Variants in CDK5RAP2 observed in about 807,000 individuals in gnomAD.
The protein encoded by CDK5RAP2 is CDK5 regulatory subunit associated protein 2.
A neutral mutation model predicts 232.9 loss-of-function variants in CDK5RAP2; 147 were observed. The observed-to-expected ratio is 0.63, with a 90% confidence interval of 0.55 to 0.72. The LOEUF (loss-of-function observed/expected upper bound fraction) is 0.72. CDK5RAP2 is among the 30% of genes least tolerant of loss of function. The probability of loss-of-function intolerance (pLI) is 0.00; values close to 1 mark genes in which losing one functional copy is unlikely to be tolerated. For synonymous variants in CDK5RAP2, 833 were observed against 833.7 expected, an observed-to-expected ratio of 1.00 and a Z score of 0.01; for missense variants, 2,195 against 2,231.5, an observed-to-expected ratio of 0.98 and a Z score of 0.33.
chr9:120,439,496 G>C lies in CDK5RAP2; in HGVS notation c.3625C>G (p.Gln1209Glu). 6.2e-7 allele frequency: 1 copy of C among 1,614,168 alleles called. No homozygotes were observed. Reference protein sequence around the residue: ...LENLKQQLEEQEYKLQKEQNL... With the variant: ...LENLKQQLEEEEYKLQKEQNL... Reference sequence around the variant, plus strand: ...TGCTCCTTCTGCAGCTTGTATTCCTGTTCCTCCAGCTGCTGTTTGAGGTTC... The same window carrying C: ...TGCTCCTTCTGCAGCTTGTATTCCTCTTCCTCCAGCTGCTGTTTGAGGTTC... Residue 1209 changes from glutamine to glutamate, a missense_variant, in exon 24 of 38, where the codon CAG (glutamine) becomes GAG (glutamate). Gln to Glu is a conservative substitution (Grantham distance 29). Coordinates refer to ENST00000349780, the MANE Select transcript of CDK5RAP2 (RefSeq NM_018249.6).
Position 120,402,956 on chromosome 9 carries a change from C to T in CDK5RAP2, c.5157G>A (p.Trp1719Ter), listed in dbSNP as rs759189611. 1.9e-6 allele frequency: 3 copies of T among 1,614,208 alleles called. No individual in the cohort carries two copies. Among genetic ancestry groups the T allele is most frequent in the Middle Eastern group, 1.6e-4 (1 of 6,062 alleles). ...GGACATGGCGGCCATTCTTGCTGGC[C>T]CACAGGTGGTGGCCAGTGACCAGGC... ...VSRLVTGHHL[W>*]ASKNGRHVLG... is the part of the protein sequence containing the mutation. Residue 1719 changes from tryptophan (W) to a stop codon, truncating the protein, a stop_gained, in exon 34 of 38, where the codon TGG (tryptophan) becomes TGA (stop). Transcript: ENST00000349780. LOFTEE classifies it high-confidence loss of function.
chr9:120,507,284 G>A (rs890900527), intron 12 of CDK5RAP2, among the ~76,000 whole-genome samples: 11 of 152,114 alleles, frequency 7.2e-5, no homozygotes, highest in African/African-American at 2.2e-4. Context: ...CGTAAGACTC[G>A]CTTTATTCCA....
chr9:120,489,809 CTT>C (rs796201909), intron 13 of CDK5RAP2, among the ~76,000 whole-genome samples: 8 of 138,248 alleles, frequency 5.8e-5, no homozygotes, highest in Admixed American at 7.2e-5. Flanking sequence ...TTTGTCTTTC[CTT>C]TTTTTTTTTT....
At chr9:120,535,238 T>G (rs142297356) in intron 7 of CDK5RAP2, among the ~76,000 whole-genome samples, 77 of 152,310 alleles carry the variant, frequency 5.1e-4, no homozygotes, top group African/African-American at 1.8e-3. Flanking sequence ...GGCACTTACA[T>G]GGAGGCATGG....
intron 20 of CDK5RAP2, 95 bp from the exon 21 acceptor site, chr9:120,453,968 C>A: frequency 7.9e-7 from 1 of 1,258,832 alleles, no homozygotes; most frequent in Non-Finnish European, 1.2e-6. Flanking sequence ...CCTACTGTTG[C>A]CCAGATTCCA....
At chr9:120,483,076 T>C (rs981329341) in intron 14 of CDK5RAP2, among the ~76,000 whole-genome samples, 2 of 151,652 alleles carry the variant, frequency 1.3e-5, no homozygotes, top group Admixed American at 1.3e-4. Flanking sequence ...ACCCCCACTC[T>C]CCCCTCTCCA....
rs141151197 is a variant in CDK5RAP2, at chr9:120,428,554, T to C, written c.3956-5813A>G. ...CACATACACTATCCCCAGACTAAAC[T>C]AGGAAGAAGCTGAATCTCTGAATAG... On this transcript the variant is annotated intron_variant, in intron 25 of 37. Transcript: ENST00000349780. Among the ~76,000 whole-genome samples the C allele has an allele frequency of 6.6e-4, 101 of 152,186 alleles. 1 individual carries two copies. Among genetic ancestry groups the C allele is most frequent in the African/African-American group, 2.2e-3 (91 of 41,528 alleles).
chr9:120,557,796 G>C lies in CDK5RAP2; in HGVS notation c.196-6894C>G, dbSNP rs1416167843. The stretch of plus-strand genomic sequence containing the variant: ...TTTTTTTTTTTTTTGAGACAGTCTC[G>C]CTCTGTCACCCAGGCTGGAGTGCAG... On this transcript the variant is annotated intron_variant, in intron 3 of 37. Coordinates refer to ENST00000349780, the MANE Select transcript of CDK5RAP2 (RefSeq NM_018249.6). Among the ~76,000 whole-genome samples, 272 of 132,748 alleles carry C rather than the reference G, an allele frequency of 2.0e-3. 2 individuals carry two copies. Among genetic ancestry groups the C allele is most frequent in the African/African-American group, 7.4e-3 (264 of 35,708 alleles). 87.1% of individuals were successfully genotyped at this position (132,748 alleles called of 152,430 possible).
chr9:120,579,680 T>G (rs1250783685), intron 1 of CDK5RAP2, among the ~76,000 whole-genome samples: 1 of 152,154 alleles, frequency 6.6e-6, no homozygotes, highest in Non-Finnish European at 1.5e-5. Context: ...TACCTGTTCT[T>G]CACACGCTCT....
intron 5 of CDK5RAP2, among the ~76,000 whole-genome samples, chr9:120,543,935 CA>C (rs895641800): frequency 3.9e-5 from 6 of 152,116 alleles, no homozygotes; most frequent in African/African-American, 1.4e-4. Flanking sequence ...GCTCTTTCCC[CA>C]ACTTGTGTTT....
intron 24 of CDK5RAP2, among the ~76,000 whole-genome samples, chr9:120,439,128 C>A (rs2035747940): frequency 2.6e-5 from 4 of 152,192 alleles, no homozygotes; most frequent in Admixed American, 2.6e-4. Flanking sequence ...GAGCCCCCAA[C>A]TTGAGGAGGG....
Position 120,437,491 on chromosome 9 carries a change from G to A in CDK5RAP2, c.3759C>T (p.Leu1253=), listed in dbSNP as rs1036043306. Residue 1253 remains leucine, a synonymous_variant, in exon 25 of 38, where the codon CTC becomes CTT. Coordinates refer to ENST00000349780, the MANE Select transcript of CDK5RAP2 (RefSeq NM_018249.6). ...CCTTAATCTGCTGCCGTTGAAGGGA[G>A]AGCTCCCTGGCTTGGGACTGAACTA... is the stretch of plus-strand genomic sequence containing the variant. The part of the protein sequence containing the change: ...DSLVQSQARE[L]SLQRQQIKDG... 15 of 1,614,000 alleles carry A rather than the reference G, an allele frequency of 9.3e-6. No individual in the cohort carries two copies. Among genetic ancestry groups the A allele is most frequent in the Non-Finnish European group, 1.2e-5 (14 of 1,179,948 alleles).
chr9:120,452,509 T>C (rs573188667), intron 21 of CDK5RAP2, among the ~76,000 whole-genome samples: 1 of 152,066 alleles, frequency 6.6e-6, no homozygotes, highest in Admixed American at 6.6e-5. Context: ...ATCAACAGCC[T>C]TCACTGAACC....
At position 120,513,743 on chromosome 9, in the gene CDK5RAP2, T is replaced by C. The variant is rs183582634; in HGVS notation, c.1311+4684A>G. ...TAGAGGGCTTGCACAAAGTGTTCAA[T>C]GTTGCTGAATGTATGAATGGATTCC... is the stretch of plus-strand genomic sequence containing the variant. On this transcript the variant is annotated intron_variant, in intron 12 of 37. Coordinates refer to ENST00000349780, the MANE Select transcript of CDK5RAP2 (RefSeq NM_018249.6). Among the ~76,000 whole-genome samples, 32 of 152,366 alleles carry C rather than the reference T, an allele frequency of 2.1e-4. No homozygotes were observed. In the East Asian group the frequency reaches 6.2e-3, roughly 29 times the overall value.
At chr9:120,406,952 T>G in intron 32 of CDK5RAP2, 60 bp downstream of exon 32, 1 of 1,248,884 alleles carries the variant, frequency 8.0e-7, no homozygotes, top group Non-Finnish European at 1.2e-6. Flanking sequence ...GAAGTTCACA[T>G]GTCACACACA....
chr9:120,453,762 T>C lies in CDK5RAP2; in HGVS notation c.2487A>G (p.Gln829=), dbSNP rs778486944. ...LDGKTEKTPK[Q]KGELVHFVQT... ...GGACAAAATGTACAAGTTCACCTTT[T>C]TGCTTAGGTGTCTTCTCAGTTTTAC... The change falls in exon 21 of 38, where the codon CAA becomes CAG. Residue 829 remains glutamine, a synonymous_variant. Coordinates refer to ENST00000349780, the MANE Select transcript of CDK5RAP2 (RefSeq NM_018249.6). The C allele has an allele frequency of 1.9e-6, 3 of 1,614,250 alleles. No homozygotes were observed. In the Admixed American group the frequency reaches 5.0e-5, roughly 27 times the overall value.
At chr9:120,466,776 A>T (rs1365547368) in intron 18 of CDK5RAP2, among the ~76,000 whole-genome samples, 1 of 152,194 alleles carries the variant, frequency 6.6e-6, no homozygotes, top group Non-Finnish European at 1.5e-5. Flanking sequence ...ACCTTTGAGC[A>T]TTTCCCACTT....
chr9:120,554,534 C>T (rs1396019458), intron 3 of CDK5RAP2, among the ~76,000 whole-genome samples: 2 of 152,164 alleles, frequency 1.3e-5, no homozygotes, highest in Non-Finnish European at 2.9e-5. Flanking sequence ...CCTCAGTTTC[C>T]TCAACTTTAA....
At position 120,406,996 on chromosome 9, in the gene CDK5RAP2, G is replaced by A; in HGVS notation, c.4963+16C>T. 1 of 1,572,338 alleles carries A rather than the reference G, an allele frequency of 6.4e-7. No individual in the cohort carries two copies. Among genetic ancestry groups the A allele is most frequent in the South Asian group, 1.1e-5 (1 of 90,358 alleles). On this transcript the variant is annotated intron_variant, in intron 32 of 37. Transcript: ENST00000349780. ...GAGCTGCATTCTCAGCAAGTGGGGA[G>A]AGGCAGGGGCAGTACCGTGTTTGTC...
Sources: gnomAD v4.1 joint callset for allele counts (sites outside exome capture counted in the v4.1 genomes callset) on GRCh38, gnomAD v4.1.1 for gene constraint, MANE v1.5 for transcripts, NCBI Gene and HGNC (gene_info 2026-07-23, HGNC 2026-07-21) for gene names.